The following PRDM15 variants were observed in gnomAD, a reference collection of about 807,000 sequenced individuals.
PRDM15 encodes the protein PR/SET domain 15.
In PRDM15, 64 loss-of-function variants were observed where a neutral mutation model predicts 128.6. The ratio of observed to expected loss-of-function variants is 0.50; its 90% CI spans 0.41 to 0.61. The LOEUF (loss-of-function observed/expected upper bound fraction) is 0.61. Ranked by LOEUF, PRDM15 falls within the 20% of genes least tolerant of loss-of-function variation. PRDM15 has a pLI of 0.00. For missense variants in PRDM15, 1,242 were observed against 1,569.1 expected (o/e 0.79, Z 3.52); for synonymous variants, 615 against 621.8 (o/e 0.99, Z 0.16).
At chr21:41,861,505 A>C in intron 1 of PRDM15, 15 of 1,407,338 alleles carry the variant, frequency 1.1e-5, no homozygotes, top group Non-Finnish European at 1.4e-5. Context: ...TACACACAGT[A>C]TGTGCCACCA....
chr21:41,847,519 T>C (rs769878249), intron 5 of PRDM15, among the ~76,000 whole-genome samples: 2 of 152,204 alleles, frequency 1.3e-5, no homozygotes, highest in Non-Finnish European at 2.9e-5. Flanking sequence ...TATGACTTCA[T>C]GAGAAAAGTG....
At chr21:41,857,111 A>C in intron 4 of PRDM15, 65 bp downstream of exon 4, 1 of 1,478,108 alleles carries the variant, frequency 6.8e-7, no homozygotes, top group Middle Eastern at 1.8e-4. Flanking sequence ...CTTGCTCCCC[A>C]TTCCCACATG....
At chr21:41,833,654 T>C (rs539110716) in intron 11 of PRDM15, among the ~76,000 whole-genome samples, 1 of 152,304 alleles carries the variant, frequency 6.6e-6, no homozygotes, top group Admixed American at 6.5e-5. Context: ...CCTTTGAAAC[T>C]AGAACATCTC....
At chr21:41,878,728 G>A (rs2064514380) in intron 1 of PRDM15, 11 of 1,572,152 alleles carry the variant, frequency 7.0e-6, no homozygotes, top group African/African-American at 1.4e-5. Flanking sequence ...GGGGTTGGGG[G>A]TCCAGGGACC....
At chr21:41,815,901 C>A in intron 18 of PRDM15, 65 bp from the exon 19 acceptor site, 1 of 1,592,816 alleles carries the variant, frequency 6.3e-7, no homozygotes. Context: ...GGCCCATGCC[C>A]GAGACCCTGG....
At position 41,859,977 on chromosome 21, in the gene PRDM15, T is replaced by A. The variant is rs746045003; in HGVS notation, c.38-292A>T. ...AAATCAAGCACGGTCACCTCCATGG[T>A]GACGAAGACCAAGACCCTCCCCAAA... On this transcript the variant is annotated intron_variant, in intron 2 of 23. Coordinates refer to ENST00000398548, the MANE Select transcript of PRDM15 (RefSeq NM_001040424.3). This position sits in a 1 kb window ranked among gnomAD's most constrained non-coding sequence, Gnocchi z 5.3. Among the ~76,000 whole-genome samples, 2 of 152,086 alleles carry A rather than the reference T, an allele frequency of 1.3e-5. No homozygotes were observed. The highest frequency in any genetic ancestry group is 2.9e-5 in the Non-Finnish European group (2 of 68,020).
Position 41,811,237 on chromosome 21 carries a change from G to A in PRDM15, c.2393-401C>T, listed in dbSNP as rs2061852869. The A allele has an allele frequency of 1.1e-5, 2 of 190,184 alleles. No homozygotes were observed. The highest frequency in any genetic ancestry group is 2.2e-4 in the South Asian group (2 of 9,002). The allele number at this position is 190,184 out of a possible 1,614,324, so 11.8% of individuals were successfully genotyped here. A position where few individuals can be genotyped will look rare whatever the true frequency, so the allele number is the denominator to read the frequency against. On this transcript the variant is annotated intron_variant, in intron 19 of 23. Coordinates refer to ENST00000398548, the MANE Select transcript of PRDM15 (RefSeq NM_001040424.3). The surrounding 1 kb of genome is among the most constrained non-coding windows in gnomAD (Gnocchi z 4.1). Reference sequence around the variant, plus strand: ...AGAGAGGAAATGGTAACTGAAATCAGGACCAATGGCAAGGAGGACACAGAC... The same window carrying A: ...AGAGAGGAAATGGTAACTGAAATCAAGACCAATGGCAAGGAGGACACAGAC...
chr21:41,853,056 T>C (rs7277016), intron 5 of PRDM15, among the ~76,000 whole-genome samples: 34 of 152,206 alleles, frequency 2.2e-4, no homozygotes, highest in African/African-American at 8.2e-4. Flanking sequence ...AGATTCTCCC[T>C]CAGGGTGCCC....
chr21:41,837,891 T>C (rs8127003), intron 8 of PRDM15, 43 bp downstream of exon 8: 1,462,608 of 1,611,274 alleles, frequency 0.91, 665,312 homozygotes, highest in African/African-American at 0.95. Context: ...GCTGCCAGCA[T>C]TGTCTGTCCA....
At chr21:41,802,496 C>T (rs2061441821) in intron 23 of PRDM15, among the ~76,000 whole-genome samples, 1 of 152,166 alleles carries the variant, frequency 6.6e-6, no homozygotes, top group Non-Finnish European at 1.5e-5. Flanking sequence ...ATATATGTTG[C>T]TACTAACAAT....
At chr21:41,857,570 G>A (rs2063675486) in intron 3 of PRDM15, among the ~76,000 whole-genome samples, 1 of 152,148 alleles carries the variant, frequency 6.6e-6, no homozygotes, top group African/African-American at 2.4e-5. Context: ...GACCAGCCTG[G>A]GCAATATGGT....
At position 41,821,245 on chromosome 21, in the gene PRDM15, G is replaced by A. The variant is rs746545934; in HGVS notation, c.1897-15C>T. The A allele has an allele frequency of 2.5e-6, 4 of 1,613,940 alleles. No individual in the cohort carries two copies. The South Asian group carries it at 4.4e-5, about 18-fold the overall frequency. On this transcript the variant is annotated splice_polypyrimidine_tract_variant and intron_variant, in intron 15 of 23. Coordinates refer to ENST00000398548, the MANE Select transcript of PRDM15 (RefSeq NM_001040424.3). The surrounding 1 kb of genome is among the most constrained non-coding windows in gnomAD (Gnocchi z 5.4). ...CCGAAGGTGAGCTGCGGGCCAGGTG[G>A]ACAGGGCACTGCTGACACCCGCATG...
chr21:41,878,535 G>T (rs539409558), intron 1 of PRDM15, among the ~76,000 whole-genome samples: 2 of 152,166 alleles, frequency 1.3e-5, no homozygotes, highest in South Asian at 4.1e-4. Flanking sequence ...ACCTGTCCAC[G>T]CGAGGCGGGC....
At chr21:41,819,390 G>A (rs535212539) in intron 18 of PRDM15, among the ~76,000 whole-genome samples, 192 bp downstream of exon 18, 4 of 146,872 alleles carry the variant, frequency 2.7e-5, no homozygotes, top group African/African-American at 5.1e-5. Context: ...GCAGCTGAGC[G>A]GCCTGGCTGA....
At chr21:41,803,532 C>T (rs1043249715) in intron 22 of PRDM15, among the ~76,000 whole-genome samples, 6 of 152,192 alleles carry the variant, frequency 3.9e-5, no homozygotes, top group African/African-American at 9.7e-5. Context: ...CAGTGGTGGC[C>T]GGTGAGTGGT....
rs938145650 is a variant in PRDM15, at chr21:41,836,029, T to G, written c.1278+84A>C. 4 of 698,310 alleles carry G rather than the reference T, an allele frequency of 5.7e-6. No individual in the cohort carries two copies. In the Admixed American group the frequency reaches 9.5e-5, roughly 17 times the overall value. The allele number at this position is 698,310 out of a possible 1,614,324, so 43.3% of individuals were successfully genotyped here. A position where few individuals can be genotyped will look rare whatever the true frequency, so the allele number is the denominator to read the frequency against. On this transcript the variant is annotated intron_variant, in intron 10 of 23. Coordinates refer to ENST00000398548, the MANE Select transcript of PRDM15 (RefSeq NM_001040424.3). ...CTCTCCTCCCTCCTGGGATTCTTTC[T>G]TCTCATTACAACATGGTGATTTGGT...
At chr21:41,877,965 G>A (rs922558876) in intron 1 of PRDM15, among the ~76,000 whole-genome samples, 16 of 152,268 alleles carry the variant, frequency 1.1e-4, no homozygotes, top group African/African-American at 2.9e-4. Context: ...CAGGAAATCT[G>A]GGGAAGGAGT....
chr21:41,804,472 C>A, intron 22 of PRDM15, 62 bp downstream of exon 22: 1 of 1,297,616 alleles, frequency 7.7e-7, no homozygotes, highest in South Asian at 1.3e-5. Flanking sequence ...CCCCTCTGGT[C>A]CCTTCTGCAG....
chr21:41,873,998 G>T (rs2064306998), intron 1 of PRDM15, among the ~76,000 whole-genome samples: 2 of 151,220 alleles, frequency 1.3e-5, no homozygotes, highest in South Asian at 4.2e-4. Flanking sequence ...GTGAGCCGAG[G>T]TTGCAGTGAG....
Sources: allele counts gnomAD v4.1 joint callset (sites outside exome capture counted in the v4.1 genomes callset), GRCh38; gene constraint gnomAD v4.1.1; non-coding constraint Gnocchi (gnomAD v3.1); transcripts MANE v1.5; gene names NCBI Gene and HGNC (gene_info 2026-07-23, HGNC 2026-07-21).